The following OR51B5 variants were observed in gnomAD, a reference collection of about 807,000 sequenced individuals.
The protein encoded by OR51B5 is olfactory receptor family 51 subfamily B member 5.
For missense variants in OR51B5, 456 were observed against 374.6 expected (o/e 1.22, Z -1.79); for synonymous variants, 186 against 144.8 (o/e 1.28, Z -2.04).
intron 1 of OR51B5, among the ~76,000 whole-genome samples, chr11:5,498,006 T>G (rs1851673885): frequency 6.6e-6 from 1 of 152,158 alleles, no homozygotes; most frequent in Non-Finnish European, 1.5e-5. Flanking sequence ...TCTTACAAAC[T>G]CTTAGCATGT....
intron 1 of OR51B5, chr11:5,389,344 G>A: frequency 6.5e-7 from 1 of 1,539,038 alleles, no homozygotes; most frequent in Non-Finnish European, 8.9e-7. Context: ...TGTTAGTGAA[G>A]CTGAAGAATT....
intron 1 of OR51B5, among the ~76,000 whole-genome samples, chr11:5,417,751 A>G (rs957143091): frequency 1.3e-5 from 2 of 149,702 alleles, no homozygotes; most frequent in Non-Finnish European, 3.0e-5. Context: ...TTAGAATGGC[A>G]ATCATTAAAA....
chr11:5,408,317 C>T (rs1850091421), intron 1 of OR51B5, among the ~76,000 whole-genome samples: 1 of 151,966 alleles, frequency 6.6e-6, no homozygotes, highest in South Asian at 2.1e-4. Context: ...CCTAGCTTAA[C>T]ACTGTCAAAA....
chr11:5,351,601 G>A, intron 1 of OR51B5: 1 of 1,614,070 alleles, frequency 6.2e-7, no homozygotes. Context: ...ATTATTGGCA[G>A]CCTACATCTC....
intron 1 of OR51B5, among the ~76,000 whole-genome samples, chr11:5,460,234 T>G (rs1468083156): frequency 6.6e-6 from 1 of 152,154 alleles, no homozygotes; most frequent in Non-Finnish European, 1.5e-5. Flanking sequence ...TACTGGGGCC[T>G]ACTGGAGGGT....
intron 1 of OR51B5, among the ~76,000 whole-genome samples, chr11:5,446,582 G>A (rs1377222700): frequency 1.3e-5 from 2 of 152,104 alleles, no homozygotes; most frequent in South Asian, 4.1e-4. Context: ...AGCATGTTAT[G>A]GGATAAATTT....
chr11:5,491,801 A>G (rs1472655805), intron 1 of OR51B5, among the ~76,000 whole-genome samples: 1 of 152,206 alleles, frequency 6.6e-6, no homozygotes, highest in Non-Finnish European at 1.5e-5. Context: ...CTAAAAAGGC[A>G]TGAAATATGG....
intron 1 of OR51B5, among the ~76,000 whole-genome samples, chr11:5,452,767 A>C (rs1041953357): frequency 2.0e-5 from 3 of 152,224 alleles, no homozygotes; most frequent in Admixed American, 6.5e-5. Flanking sequence ...ATGCTCTCCC[A>C]CACCGAATGC....
chr11:5,358,804 T>C (rs1490464867), intron 1 of OR51B5, among the ~76,000 whole-genome samples: 1 of 152,136 alleles, frequency 6.6e-6, no homozygotes, highest in Non-Finnish European at 1.5e-5. Context: ...CATGATCAAG[T>C]GGGCTTCATC....
intron 1 of OR51B5, among the ~76,000 whole-genome samples, chr11:5,414,174 GC>G (rs199879208): frequency 0.02 from 2,980 of 151,764 alleles, 102 homozygotes; most frequent in African/African-American, 0.068. Flanking sequence ...TTCATATCCA[GC>G]CAAACTAAGC....
At chr11:5,352,702 T>G (rs1488133142) in intron 1 of OR51B5, among the ~76,000 whole-genome samples, 1 of 151,934 alleles carries the variant, frequency 6.6e-6, no homozygotes, top group African/African-American at 2.4e-5. Context: ...TCAGGTAATT[T>G]AACTCACATT....
downstream of OR51B5, chr11:5,340,373 CTAAATATT>C (rs1391688753): frequency 1.3e-5 from 2 of 151,828 alleles, no homozygotes; most frequent in African/African-American, 2.4e-5. Context: ...ATAATTTACT[CTAAATATT>C]TATTATAGTT....
chr11:5,439,022 A>G (rs1850633631), intron 1 of OR51B5, among the ~76,000 whole-genome samples: 3 of 152,176 alleles, frequency 2.0e-5, no homozygotes, highest in South Asian at 4.1e-4. Flanking sequence ...ACTTGTGTAC[A>G]GTGAAGTTCC....
chr11:5,389,475 T>C (rs1564796889), intron 1 of OR51B5: 1 of 1,613,882 alleles, frequency 6.2e-7, no homozygotes, highest in Non-Finnish European at 8.5e-7. Context: ...ATATTCTATC[T>C]CACCAGCTTT....
chr11:5,435,387 T>C (rs1227653657), intron 1 of OR51B5, among the ~76,000 whole-genome samples: 1 of 152,220 alleles, frequency 6.6e-6, no homozygotes, highest in Non-Finnish European at 1.5e-5. Context: ...AATATGTTAT[T>C]TTCTTGCAGA....
intron 1 of OR51B5, chr11:5,402,796 C>T (rs1849991617): frequency 2.1e-6 from 1 of 471,510 alleles, no homozygotes; most frequent in African/African-American, 2.0e-5. Context: ...CTCTTCCTTG[C>T]CATGTTGGCA....
intron 1 of OR51B5, among the ~76,000 whole-genome samples, chr11:5,366,808 T>G (rs1295688154): frequency 1.3e-5 from 2 of 152,052 alleles, no homozygotes; most frequent in African/African-American, 2.4e-5. Flanking sequence ...GAAAATAAGT[T>G]TGTATTGATG....
intron 1 of OR51B5, among the ~76,000 whole-genome samples, chr11:5,404,066 A>G (rs11037245): frequency 0.16 from 24,186 of 150,152 alleles, 2,406 homozygotes; most frequent in African/African-American, 0.29. Flanking sequence ...CTTGAAGACT[A>G]CAAATCTTGT....
intron 1 of OR51B5, among the ~76,000 whole-genome samples, chr11:5,461,634 G>T (rs1851055452): frequency 1.3e-5 from 2 of 152,180 alleles, no homozygotes; most frequent in African/African-American, 2.4e-5. Flanking sequence ...AACCCCTTGG[G>T]CCTTGCACAG....
Sources: allele counts gnomAD v4.1 joint callset (sites outside exome capture counted in the v4.1 genomes callset), GRCh38; gene constraint gnomAD v4.1.1; transcripts MANE v1.5; gene names NCBI Gene and HGNC (gene_info 2026-07-23, HGNC 2026-07-21).